The following XPA variants were observed in gnomAD, a reference collection of about 807,000 sequenced individuals.
XPA encodes DNA repair protein complementing XP-A cells.
XPA carries 27 observed loss-of-function variants against 35.7 expected under a neutral mutation model. The observed-to-expected ratio is 0.76, with a 90% confidence interval of 0.56 to 1.04. XPA has a LOEUF of 1.04. Among genes scored for constraint, XPA ranks in the 50% least tolerant of loss-of-function variants. XPA has a pLI of 0.00. For missense variants in XPA, 354 were observed against 342.7 expected (o/e 1.03, Z -0.26); for synonymous variants, 133 against 118.4 (o/e 1.12, Z -0.80).
chr9:97,665,362 C>T, the XPA span, among the ~76,000 whole-genome samples: 10 of 152,294 alleles, frequency 6.6e-5, no homozygotes, highest in Middle Eastern at 3.4e-3. Flanking sequence ...ACCGCATCAC[C>T]GTAGAGAAGG....
chr9:97,661,041 C>G, the XPA span: 7 of 1,612,672 alleles, frequency 4.3e-6, no homozygotes. Context: ...GAAAGATGTA[C>G]CAAATCCTAA....
chr9:97,671,175 G>A, downstream of XPA: 1 of 1,611,952 alleles, frequency 6.2e-7, no homozygotes, highest in Non-Finnish European at 8.5e-7. Flanking sequence ...CCGTGTTCCA[G>A]CAGTTCTGTG....
chr9:97,654,622 C>T, the XPA span, among the ~76,000 whole-genome samples: 3 of 151,116 alleles, frequency 2.0e-5, no homozygotes, highest in East Asian at 3.9e-4. Context: ...TATGCCTGTG[C>T]GTATGGAGGG....
chr9:97,695,455 AAATG>A (rs1337984670), intron 1 of XPA, among the ~76,000 whole-genome samples: 2 of 152,228 alleles, frequency 1.3e-5, no homozygotes, highest in Admixed American at 1.3e-4. Flanking sequence ...GGATGGATAG[AAATG>A]AATGAACCTA....
intron 5 of XPA, among the ~76,000 whole-genome samples, chr9:97,676,646 G>A (rs1238522434): frequency 6.6e-6 from 1 of 152,136 alleles, no homozygotes. Flanking sequence ...GTATAAGGCA[G>A]TGTTCTTACC....
At chr9:97,670,078 A>C, downstream of XPA, 1 of 327,704 alleles carries the variant, frequency 3.1e-6, no homozygotes, top group Non-Finnish European at 6.0e-6. Flanking sequence ...ACCCGTCACT[A>C]CTCCTGCCTG....
chr9:97,662,186 T>C, the XPA span: 8 of 1,460,602 alleles, frequency 5.5e-6, no homozygotes, highest in African/African-American at 2.8e-5. Context: ...TTTGGAATTT[T>C]GCTTGGTGAA....
chr9:97,662,971 A>G, the XPA span: 1 of 1,612,818 alleles, frequency 6.2e-7, no homozygotes, highest in African/African-American at 1.3e-5. Context: ...GAAGTCTTCA[A>G]AACCCTAGCT....
the XPA span, among the ~76,000 whole-genome samples, chr9:97,667,899 G>C: frequency 1.3e-5 from 2 of 152,198 alleles, no homozygotes; most frequent in African/African-American, 4.8e-5. Flanking sequence ...TAGTGCTCTA[G>C]AACCTTACCT....
downstream of XPA, chr9:97,672,260 C>A (rs1587732755): frequency 6.6e-6 from 1 of 150,398 alleles, no homozygotes; most frequent in South Asian, 2.2e-4. Flanking sequence ...TACCAGTAAT[C>A]CTACAACTAC....
chr9:97,689,554 CA>C lies in XPA; in HGVS notation c.368del (p.Leu123CysfsTer17), dbSNP rs778804405. On this transcript the variant is annotated frameshift_variant, in exon 3 of 6. Transcript: ENST00000375128. LOFTEE classifies it high-confidence loss of function. ...MDSYLMNHFD[L>X]PTCDNCRDAD... ...AGTACCTGCAGTTATCACAAGTTGGCAAATCAAAGTGGTTCATAAGATAAGA... is the reference window on the plus strand; with the variant it reads ...AGTACCTGCAGTTATCACAAGTTGGCAATCAAAGTGGTTCATAAGATAAGA... The C allele has an allele frequency of 5.6e-6, 9 of 1,611,580 alleles. No individual in the cohort carries two copies. The highest frequency in any genetic ancestry group is 7.6e-6 in the Non-Finnish European group (9 of 1,178,098).
intron 2 of XPA, among the ~76,000 whole-genome samples, chr9:97,691,501 A>C (rs1828886432): frequency 6.6e-6 from 1 of 152,120 alleles, no homozygotes; most frequent in South Asian, 2.1e-4. Context: ...CAGGAGTTCG[A>C]CACCAGCCTG....
chr9:97,692,279 G>A (rs1289826759), intron 2 of XPA, among the ~76,000 whole-genome samples: 1 of 151,652 alleles, frequency 6.6e-6, no homozygotes, highest in Non-Finnish European at 1.5e-5. Context: ...CAACGAGAGT[G>A]AAACTCTGTC....
chr9:97,671,247 ATT>A (rs768822324), downstream of XPA: 9 of 1,339,058 alleles, frequency 6.7e-6, no homozygotes, highest in Admixed American at 2.0e-5. Flanking sequence ...TCTTAAAATA[ATT>A]TGTCTTATTT....
chr9:97,670,089 A>G (rs563532486), downstream of XPA: 261 of 329,548 alleles, frequency 7.9e-4, 3 homozygotes, highest in African/African-American at 5.3e-3. Flanking sequence ...CTCCTGCCTG[A>G]TTTTTGTATT....
At chr9:97,693,521 C>G in intron 2 of XPA, 128 bp downstream of exon 2, 1 of 845,144 alleles carries the variant, frequency 1.2e-6, no homozygotes. Flanking sequence ...AACTTTATCA[C>G]TTTTATAAAG....
In XPA at chr9:97,675,328, T is replaced by TTCATTCATCTATGAAGATGTTGC. The variant is rs1828319971; in HGVS notation, c.*88_*110dup. 2 of 1,171,440 alleles carry TTCATTCATCTATGAAGATGTTGC rather than the reference T, an allele frequency of 1.7e-6. No individual in the cohort carries two copies. The highest frequency in any genetic ancestry group is 2.4e-6 in the Non-Finnish European group (2 of 830,326). The allele number at this position is 1,171,440 out of a possible 1,614,324, so 72.6% of individuals were successfully genotyped here. ...ACTGAAGTATTACTTATACAAGGGT[T>TTCATTCATCTATGAAGATGTTGC]TCATTCATCTATGAAGATGTTGCTT... On this transcript the variant is annotated 3_prime_UTR_variant, in exon 6 of 6. Transcript: ENST00000375128.
chr9:97,695,935 G>A (rs1829029540), intron 1 of XPA, among the ~76,000 whole-genome samples: 2 of 152,054 alleles, frequency 1.3e-5, no homozygotes, highest in African/African-American at 4.8e-5. Context: ...TTGCTATTTT[G>A]CACCTTCCGT....
chr9:97,655,809 CTAA>C, the XPA span: 550 of 1,528,986 alleles, frequency 3.6e-4, 3 homozygotes, highest in African/African-American at 6.3e-3. Context: ...CAAAAAACTA[CTAA>C]TGTTTAAAAC....
Sources: allele counts gnomAD v4.1 joint callset (sites outside exome capture counted in the v4.1 genomes callset), GRCh38; gene constraint gnomAD v4.1.1; transcripts MANE v1.5; gene names NCBI Gene and HGNC (gene_info 2026-07-23, HGNC 2026-07-21).